Variants in TAF4B observed in about 807,000 individuals in gnomAD.
The protein encoded by TAF4B is TATA-box binding protein associated factor 4b.
Under a neutral mutation model 86.4 loss-of-function variants are expected in TAF4B, and 38 were observed. The observed-to-expected ratio is 0.44, with a 90% CI of 0.34 to 0.58. TAF4B has a LOEUF of 0.58. Ranked by LOEUF, TAF4B falls within the 20% of genes least tolerant of loss-of-function variation. The pLI is 0.02. For missense variants in TAF4B, 988 were observed against 1,027.6 expected (o/e 0.96, Z 0.53); for synonymous variants, 388 against 391.2 (o/e 0.99, Z 0.10).
intron 1 of TAF4B, among the ~76,000 whole-genome samples, chr18:26,251,384 A>T (rs2056004110): frequency 6.6e-6 from 1 of 152,176 alleles, no homozygotes; most frequent in Admixed American, 6.5e-5. Context: ...CTATTTTTTC[A>T]GGGGCAGTAT....
chr18:26,257,298 G>A (rs554953253), intron 1 of TAF4B, among the ~76,000 whole-genome samples: 2 of 152,180 alleles, frequency 1.3e-5, no homozygotes, highest in Admixed American at 6.5e-5. Flanking sequence ...GTGTTGATCT[G>A]TTAGCCCCAT....
chr18:26,261,356 A>T (rs868643809), intron 1 of TAF4B, among the ~76,000 whole-genome samples: 40 of 150,410 alleles, frequency 2.7e-4, no homozygotes, highest in Admixed American at 2.3e-3. Flanking sequence ...GCCCGCCACT[A>T]CGCCCGGCTA....
chr18:26,304,330 A>G (rs2056772815), intron 9 of TAF4B, among the ~76,000 whole-genome samples: 1 of 152,190 alleles, frequency 6.6e-6, no homozygotes. Flanking sequence ...CAAACATAGG[A>G]TGATCAAATA....
chr18:26,317,274 A>T (rs1286713375), intron 10 of TAF4B, among the ~76,000 whole-genome samples: 1 of 151,610 alleles, frequency 6.6e-6, no homozygotes, highest in Admixed American at 6.6e-5. Context: ...CAAGTCATCC[A>T]CCCGCCTTGG....
At chr18:26,344,132 A>G (rs1340817847) in intron 13 of TAF4B, among the ~76,000 whole-genome samples, 1 of 152,234 alleles carries the variant, frequency 6.6e-6, no homozygotes, top group Non-Finnish European at 1.5e-5. Context: ...ACAATAACCA[A>G]AATAAAACAC....
At chr18:26,235,090 C>T (rs2055729059) in intron 1 of TAF4B, among the ~76,000 whole-genome samples, 1 of 152,150 alleles carries the variant, frequency 6.6e-6, no homozygotes, top group South Asian at 2.1e-4. Context: ...TTCCCACTCT[C>T]TGTGGCGTAT....
intron 1 of TAF4B, among the ~76,000 whole-genome samples, chr18:26,261,589 T>G (rs958735961): frequency 6.6e-6 from 1 of 152,204 alleles, no homozygotes; most frequent in Non-Finnish European, 1.5e-5. Context: ...GCTGTTAGGA[T>G]CCACTCATTG....
At chr18:26,346,164 A>C (rs1407331645) in intron 13 of TAF4B, among the ~76,000 whole-genome samples, 1 of 152,132 alleles carries the variant, frequency 6.6e-6, no homozygotes, top group East Asian at 1.9e-4. Flanking sequence ...AATGAGATAG[A>C]TATCGTAATA....
chr18:26,299,174 T>C (rs892298405), intron 9 of TAF4B, among the ~76,000 whole-genome samples: 1 of 152,090 alleles, frequency 6.6e-6, no homozygotes, highest in Admixed American at 6.5e-5. Flanking sequence ...TTTTTTTTCT[T>C]TTTTAAGGCA....
intron 13 of TAF4B, among the ~76,000 whole-genome samples, chr18:26,354,280 G>C (rs867211311): frequency 6.6e-6 from 1 of 152,180 alleles, no homozygotes; most frequent in Non-Finnish European, 1.5e-5. Context: ...CACCCTGTTG[G>C]CCAGGCTGGT....
chr18:26,256,012 T>C, intron 1 of TAF4B: 1 of 1,266,228 alleles, frequency 7.9e-7, no homozygotes. Flanking sequence ...AATTACGATG[T>C]TTAAATTCCT....
intron 9 of TAF4B, among the ~76,000 whole-genome samples, chr18:26,309,371 A>G (rs2056831782): frequency 7.0e-6 from 1 of 142,458 alleles, no homozygotes. Flanking sequence ...CAATAGTTAT[A>G]TTTTCTGATT....
At chr18:26,309,245 A>ATTTTTTTTTTTT (rs59457633) in intron 9 of TAF4B, among the ~76,000 whole-genome samples, 5 of 84,548 alleles carry the variant, frequency 5.9e-5, no homozygotes, top group African/African-American at 1.9e-4. Flanking sequence ...ACCTGACAGT[A>ATTTTTTTTTTTT]TTTTTTTTTT....
At chr18:26,361,686 T>C (rs983504953) in intron 14 of TAF4B, among the ~76,000 whole-genome samples, 5 of 145,314 alleles carry the variant, frequency 3.4e-5, no homozygotes, top group Admixed American at 7.2e-5. Flanking sequence ...CGGAGGTTGC[T>C]GTGAGCCGAG....
intron 1 of TAF4B, among the ~76,000 whole-genome samples, chr18:26,229,234 A>G (rs957348763): frequency 6.6e-6 from 1 of 152,166 alleles, no homozygotes; most frequent in Non-Finnish European, 1.5e-5. Context: ...ATTGCATGCT[A>G]TTTACCTCTG....
rs376648382 is a variant in TAF4B, at chr18:26,317,284, G to T, written c.2002+1886G>T. On this transcript the variant is annotated intron_variant, in intron 10 of 14. Transcript: ENST00000269142. ...GACGTCAAGTCATCCACCCGCCTTG[G>T]CCTCCCGAAATGCTGGGGTTACAGT... 2.7e-4 allele frequency among the ~76,000 whole-genome samples: 41 copies of T among 152,134 alleles called. 2 individuals are homozygous for T. The highest frequency in any genetic ancestry group is 1.5e-3 in the East Asian group (8 of 5,182).
chr18:26,361,485 C>T (rs1164533738), intron 14 of TAF4B, among the ~76,000 whole-genome samples: 2 of 151,624 alleles, frequency 1.3e-5, no homozygotes, highest in African/African-American at 4.8e-5. Context: ...ATGGCTCACA[C>T]CTGTAATCCC....
intron 1 of TAF4B, chr18:26,256,065 A>T (rs1313993363): frequency 4.4e-6 from 6 of 1,350,090 alleles, no homozygotes; most frequent in East Asian, 4.6e-5. Context: ...TTGTTCCCAG[A>T]TAGAGTCACT....
At chr18:26,256,205 G>A (rs894147110) in intron 1 of TAF4B, 44 of 1,608,572 alleles carry the variant, frequency 2.7e-5, no homozygotes, top group African/African-American at 2.7e-4. Flanking sequence ...CATTGCAGAT[G>A]TCTCCTGAAG....
Sources: gnomAD v4.1 joint callset for allele counts (sites outside exome capture counted in the v4.1 genomes callset) on GRCh38, gnomAD v4.1.1 for gene constraint, MANE v1.5 for transcripts, NCBI Gene and HGNC (gene_info 2026-07-23, HGNC 2026-07-21) for gene names.